Variants in TNIP2 observed in about 807,000 individuals in gnomAD.
TNIP2 encodes the protein TNFAIP3 interacting protein 2, also known as TNFAIP3-interacting protein 2.
TNIP2 carries 30 observed loss-of-function variants against 43.7 expected under a neutral mutation model. The ratio of observed to expected loss-of-function variants is 0.69; its 90% CI spans 0.51 to 0.93. TNIP2 has a LOEUF of 0.93. Ranked by LOEUF, TNIP2 falls within the 40% of genes least tolerant of loss-of-function variation. The pLI is 0.00. For missense variants in TNIP2, 599 were observed against 591.0 expected (o/e 1.01, Z -0.14); for synonymous variants, 260 against 254.6 (o/e 1.02, Z -0.20).
At chr4:2,742,651 TG>T (rs1721827113) in intron 5 of TNIP2, 131 bp from the exon 6 acceptor site, 1 of 998,620 alleles carries the variant, frequency 1.0e-6, no homozygotes, top group African/African-American at 1.7e-5. Flanking sequence ...TGCTTCCTGC[TG>T]CGCCCCAGAG....
rs1368054005 is a variant in TNIP2, at chr4:2,747,771, T to A, written c.451A>T (p.Thr151Ser). ...GTCAGCGTCCTCCGCAGCTGATGGG[T>A]CTCGTTGGCCAAGGAGCGGCACAGG... ...DVLCRSLANETHQLRRTLTAT... is the reference protein window; with the variant it reads ...DVLCRSLANESHQLRRTLTAT... The change falls in exon 2 of 6, where the codon ACC (threonine) becomes TCC (serine). Residue 151 changes from threonine (T) to serine (S), a missense_variant. Physicochemically the swap from Thr to Ser is moderately conservative, Grantham distance 58. Transcript: ENST00000315423. The A allele has an allele frequency of 1.9e-6, 3 of 1,611,634 alleles. No individual in the cohort carries two copies. Among genetic ancestry groups the A allele is most frequent in the Non-Finnish European group, 2.5e-6 (3 of 1,180,010 alleles).
intron 1 of TNIP2, among the ~76,000 whole-genome samples, chr4:2,748,428 C>T (rs1332631351): frequency 2.0e-5 from 3 of 152,184 alleles, no homozygotes. Flanking sequence ...CTGCAAGCTC[C>T]GCCTCAGAGG....
At chr4:2,742,620 C>T (rs748315294) in intron 5 of TNIP2, 100 bp from the exon 6 acceptor site, 12 of 1,314,322 alleles carry the variant, frequency 9.1e-6, no homozygotes, top group South Asian at 1.6e-5. Context: ...TATCCCTGAG[C>T]GGAACTTCAG....
At position 2,744,563 on chromosome 4, in the gene TNIP2, G is replaced by A; in HGVS notation, c.907-57C>T. 1 of 1,609,556 alleles carries A rather than the reference G, an allele frequency of 6.2e-7. No individual in the cohort carries two copies. The highest frequency in any genetic ancestry group is 2.2e-5 in the East Asian group (1 of 44,822). ...AAGGAAGGAGGAAGCGCCCCACCAG[G>A]CTTCTCCCACCCCCACAGTGACCAC... On this transcript the variant is annotated intron_variant, in intron 4 of 5. Transcript: ENST00000315423. The surrounding 1 kb of genome is among the most constrained non-coding windows in gnomAD (Gnocchi z 5.1).
At chr4:2,743,317 A>T (rs1009141089) in intron 5 of TNIP2, among the ~76,000 whole-genome samples, 4 of 152,130 alleles carry the variant, frequency 2.6e-5, no homozygotes, top group Admixed American at 1.3e-4. Context: ...GGGGGTAAGA[A>T]TCTGGGCCTG....
At chr4:2,752,957 C>G (rs1406158778) in intron 1 of TNIP2, among the ~76,000 whole-genome samples, 1 of 151,774 alleles carries the variant, frequency 6.6e-6, no homozygotes. Context: ...CCTAGACACT[C>G]GGGAGGCTGT....
At chr4:2,752,189 A>T (rs1251197935) in intron 1 of TNIP2, among the ~76,000 whole-genome samples, 1 of 152,180 alleles carries the variant, frequency 6.6e-6, no homozygotes, top group East Asian at 1.9e-4. Context: ...CAAGCAAAGC[A>T]AAGCTAAGCT....
In TNIP2 at chr4:2,756,208, C is replaced by G. The variant is rs1007712186; in HGVS notation, c.82G>C (p.Gly28Arg). Residue 28 changes from glycine to arginine, a missense_variant, in exon 1 of 6, where the codon GGA (glycine) becomes CGA (arginine). Transcript: ENST00000315423. ...TCCTGCAGGCGGCGCAGCCGCTGTC[C>G]GGCCTCGTGGTACAGGGTGCAGAGC... ...AALCTLYHEA[G>R]QRLRRLQDQL... The G allele has an allele frequency of 1.4e-6, 2 of 1,473,972 alleles. No individual in the cohort carries two copies. The highest frequency in any genetic ancestry group is 1.8e-6 in the Non-Finnish European group (2 of 1,120,720). The allele number at this position is 1,473,972 out of a possible 1,614,324, so 91.3% of individuals were successfully genotyped here.
At chr4:2,752,141 A>AAGAAG in intron 1 of TNIP2, among the ~76,000 whole-genome samples, 1 of 151,920 alleles carries the variant, frequency 6.6e-6, no homozygotes, top group African/African-American at 2.4e-5. Flanking sequence ...AAAGAAAGAA[A>AAGAAG]AGAAGAGAAG....
intron 3 of TNIP2, 164 bp downstream of exon 3, chr4:2,745,282 G>A (rs891652737): frequency 3.9e-5 from 25 of 640,060 alleles, no homozygotes; most frequent in African/African-American, 1.5e-4. Flanking sequence ...GACATGTCCC[G>A]TACGTCGTTT....
chr4:2,755,818 C>T, intron 1 of TNIP2, 196 bp downstream of exon 1: 1 of 761,710 alleles, frequency 1.3e-6, no homozygotes. Context: ...CCCCTCACCC[C>T]CAGGACCCGG....
At position 2,756,157 on chromosome 4, in the gene TNIP2, T is replaced by A. The variant is rs772713756; in HGVS notation, c.133A>T (p.Ile45Phe). Residue 45 changes from isoleucine to phenylalanine, a missense_variant, in exon 1 of 6, where the codon ATC (isoleucine) becomes TTC (phenylalanine). Coordinates refer to ENST00000315423, the MANE Select transcript of TNIP2 (RefSeq NM_024309.4). ...QDQLAARDAL[I>F]ARLRARLAAL... ...GCCAGGCGGGCGCGGAGGCGAGCGA[T>A]GAGGGCGTCGCGGGCAGCGAGCTGG... The A allele has an allele frequency of 6.8e-7, 1 of 1,476,966 alleles. No homozygotes were observed. Among genetic ancestry groups the A allele is most frequent in the African/African-American group, 1.5e-5 (1 of 68,168 alleles). The allele number at this position is 1,476,966 out of a possible 1,614,324, so 91.5% of individuals were successfully genotyped here.
At position 2,744,779 on chromosome 4, in the gene TNIP2, C is replaced by G. The variant is rs1721896025; in HGVS notation, c.824G>C (p.Cys275Ser). ...NRQLEEKIND[C>S]AEVKQELAAS... ...CGCCAGCTCCTGCTTCACTTCGGCA[C>G]AGTCATTTATTTTCTCTTCCAACTG... The change falls in exon 4 of 6, where the codon TGT becomes TCT. Residue 275 changes from cysteine to serine, a missense_variant. Transcript: ENST00000315423. The surrounding 1 kb of genome is among the most constrained non-coding windows in gnomAD (Gnocchi z 5.1). 1.9e-6 allele frequency: 3 copies of G among 1,611,974 alleles called. No individual in the cohort carries two copies. The highest frequency in any genetic ancestry group is 1.3e-5 in the African/African-American group (1 of 74,948).
Position 2,747,906 on chromosome 4 carries a change from T to C in TNIP2, c.316A>G (p.Arg106Gly). 1 of 1,613,444 alleles carries C rather than the reference T, an allele frequency of 6.2e-7. No homozygotes were observed. Among genetic ancestry groups the C allele is most frequent in the South Asian group, 1.1e-5 (1 of 91,086 alleles). The change falls in exon 2 of 6, where the codon AGG becomes GGG. Residue 106 changes from arginine (R) to glycine (G), a missense_variant. Arg to Gly is a moderately radical substitution (Grantham distance 125). Coordinates refer to ENST00000315423, the MANE Select transcript of TNIP2 (RefSeq NM_024309.4). ...RLTERLEEKEREMQQLLSQPQ... is the reference protein window; with the variant it reads ...RLTERLEEKEGEMQQLLSQPQ... ...TGGCTCAGCAGCTGCTGCATCTCCCTCTCTTTTTCTTCTAGTCGCTCAGTC... is the reference window on the plus strand; with the variant it reads ...TGGCTCAGCAGCTGCTGCATCTCCCCCTCTTTTTCTTCTAGTCGCTCAGTC...
At chr4:2,749,858 C>T (rs1722057169) in intron 1 of TNIP2, among the ~76,000 whole-genome samples, 1 of 152,176 alleles carries the variant, frequency 6.6e-6, no homozygotes. Context: ...GTCACCCAGG[C>T]TGGAGTACAG....
intron 1 of TNIP2, among the ~76,000 whole-genome samples, chr4:2,753,362 C>T (rs936261068): frequency 2.6e-5 from 4 of 152,158 alleles, no homozygotes; most frequent in Non-Finnish European, 4.4e-5. Context: ...ATCACGTAAG[C>T]CCAGGAGGTT....
rs150589120 is a variant in TNIP2, at chr4:2,742,455, G to A, written c.1092C>T (p.Ala364=). The change falls in exon 6 of 6, where the codon GCC becomes GCT. Residue 364 remains alanine, a synonymous_variant. Transcript: ENST00000315423. ...CAGGCACCATAAGCTCTAATGCGTC[G>A]GCGGCCAAATACTTGGCAGTTTTGC... ...AGSKTAKYLA[A]DALELMVPGG... 51 of 1,610,816 alleles carry A rather than the reference G, an allele frequency of 3.2e-5. No homozygotes were observed. In the African/African-American group the frequency reaches 4.4e-4, roughly 14 times the overall value.
Position 2,747,879 on chromosome 4 carries a change from G to A in TNIP2, c.343C>T (p.Pro115Ser), listed in dbSNP as rs745515876. The A allele has an allele frequency of 6.2e-7, 1 of 1,613,718 alleles. No homozygotes were observed. Among genetic ancestry groups the A allele is most frequent in the Non-Finnish European group, 8.5e-7 (1 of 1,180,034 alleles). ...EREMQQLLSQ[P>S]QHEREKEVVL... ...ACTTCCTTCTCTCGCTCGTGTTGGG[G>A]CTGGCTCAGCAGCTGCTGCATCTCC... Residue 115 changes from proline (P) to serine (S), a missense_variant, in exon 2 of 6, where the codon CCC becomes TCC. By Grantham distance (74) the Pro-to-Ser change is moderately conservative (BLOSUM62 -1). Transcript: ENST00000315423.
Position 2,743,956 on chromosome 4 carries a change from G to C in TNIP2, c.1026+431C>G, listed in dbSNP as rs540956891. On this transcript the variant is annotated intron_variant, in intron 5 of 5. Coordinates refer to ENST00000315423, the MANE Select transcript of TNIP2 (RefSeq NM_024309.4). ...GGGGTGAGGGGCCCCTGCCCTGCAA[G>C]GCCCAGCTCCACGTGCCAGGCTGAG... 1.6e-4 allele frequency among the ~76,000 whole-genome samples: 25 copies of C among 152,330 alleles called. No individual in the cohort carries two copies. In the South Asian group the frequency reaches 2.1e-3, roughly 13 times the overall value.
Sources: gnomAD v4.1 joint callset for allele counts (sites outside exome capture counted in the v4.1 genomes callset) on GRCh38, gnomAD v4.1.1 for gene constraint, Gnocchi (gnomAD v3.1) non-coding constraint, MANE v1.5 for transcripts, NCBI Gene and HGNC (gene_info 2026-07-23, HGNC 2026-07-21) for gene names.